GYPB: variants seen among roughly 807,000 people sequenced by gnomAD.
GYPB encodes glycophorin B (MNS blood group), also known as glycophorin-B.
In GYPB, 13 loss-of-function variants were observed where a neutral mutation model predicts 15.3. The ratio of observed to expected loss-of-function variants is 0.85; its 90% CI spans 0.55 to 1.35. The LOEUF (loss-of-function observed/expected upper bound fraction) is 1.35. Among genes scored for constraint, GYPB ranks in the 40% most tolerant of loss-of-function variants. GYPB has a pLI of 0.00. For missense variants in GYPB, 131 were observed against 108.3 expected (o/e 1.21, Z -0.93); for synonymous variants, 38 against 36.9 (o/e 1.03, Z -0.11).
At chr4:144,007,935 G>T (rs1728007289) in intron 1 of GYPB, among the ~76,000 whole-genome samples, 2 of 151,378 alleles carry the variant, frequency 1.3e-5, no homozygotes. Flanking sequence ...ACCATGCCTG[G>T]CTTAGAATGG....
Position 143,996,408 on chromosome 4 carries a change from G to A in GYPB, c.271-104C>T, listed in dbSNP as rs1727313889. On this transcript the variant is annotated intron_variant, in intron 4 of 4. Coordinates refer to ENST00000502664, the MANE Select transcript of GYPB (RefSeq NM_002100.6). ...GTCACAGGCCAATCCTTCACAGGCT[G>A]TAGCCAATTGGAGGCTTCTAAAGGG... 5.8e-6 allele frequency: 9 copies of A among 1,541,234 alleles called. 1 individual carries two copies. The Admixed American group carries it at 1.6e-4, about 27-fold the overall frequency.
chr4:144,009,241 C>A (rs909296972), intron 1 of GYPB, among the ~76,000 whole-genome samples: 6 of 151,334 alleles, frequency 4.0e-5, no homozygotes, highest in Non-Finnish European at 8.8e-5. Context: ...AACCTGTTCC[C>A]ATCTCCACCT....
chr4:143,997,491 G>T, intron 4 of GYPB, 49 bp downstream of exon 4: 1 of 988,530 alleles, frequency 1.0e-6, no homozygotes, highest in Non-Finnish European at 1.6e-6. Context: ...AACCCTCCTA[G>T]AGCTGTTCAC....
intron 1 of GYPB, among the ~76,000 whole-genome samples, chr4:144,001,552 C>T (rs1466885801): frequency 1.3e-5 from 2 of 151,146 alleles, no homozygotes; most frequent in Admixed American, 6.6e-5. Flanking sequence ...CTCATCTGTA[C>T]AATAGTAATA....
At chr4:143,997,336 A>C in intron 4 of GYPB, 2 of 462,706 alleles carry the variant, frequency 4.3e-6, no homozygotes, top group South Asian at 4.9e-5. Context: ...GGACAGACTT[A>C]TATTTAGAGG....
chr4:143,996,399 T>A, intron 4 of GYPB, 95 bp from the exon 5 acceptor site: 19 of 1,544,242 alleles, frequency 1.2e-5, no homozygotes, highest in Non-Finnish European at 1.5e-5. Context: ...GGCCAATCCT[T>A]CACAGGCTGT....
In GYPB at chr4:143,997,661, G is replaced by A. The variant is rs1454993920; in HGVS notation, c.176-27C>T. On this transcript the variant is annotated intron_variant, in intron 3 of 4. Transcript: ENST00000502664. ...TAAAGAGAGCAGCAAAATTATGAAA[G>A]TCTGAAATAAATGACCACATAGCAA... 2.6e-6 allele frequency: 3 copies of A among 1,172,258 alleles called. No homozygotes were observed. In the African/African-American group the frequency reaches 4.6e-5, roughly 18 times the overall value. The allele number at this position is 1,172,258 out of a possible 1,614,324, so 72.6% of individuals were successfully genotyped here. A position where few individuals can be genotyped will look rare whatever the true frequency, so the allele number is the denominator to read the frequency against.
chr4:144,009,364 T>C lies in GYPB; in HGVS notation c.38-8081A>G, dbSNP rs894167239. Among the ~76,000 whole-genome samples the C allele has an allele frequency of 4.6e-5, 7 of 151,178 alleles. No homozygotes were observed. The South Asian group carries it at 1.5e-3, about 31-fold the overall frequency. ...AGCACAAGTATTAGTAAACTTCCTATGTAAAGGGAGAGAGAGTAACTACTT... is the reference window on the plus strand; with the variant it reads ...AGCACAAGTATTAGTAAACTTCCTACGTAAAGGGAGAGAGAGTAACTACTT... On this transcript the variant is annotated intron_variant, in intron 1 of 4. Transcript: ENST00000502664.
intron 1 of GYPB, among the ~76,000 whole-genome samples, chr4:144,015,434 T>A (rs1436719550): frequency 1.3e-5 from 2 of 151,344 alleles, no homozygotes; most frequent in Admixed American, 6.6e-5. Flanking sequence ...ACCATATAAG[T>A]ATGATTGGGG....
At chr4:143,995,733 T>G (rs1312577706), downstream of GYPB, among the ~76,000 whole-genome samples, 2 of 151,370 alleles carry the variant, frequency 1.3e-5, no homozygotes, top group Non-Finnish European at 2.9e-5. Context: ...TTAAGATCAA[T>G]GGATACTAAA....
Position 143,999,153 on chromosome 4 carries a change from C to T in GYPB, c.175+258G>A, listed in dbSNP as rs1579046975. ...AAATTCCTGGGCTCAAGTGATTAGCCAGGCTTGGCCTCCCAAAATTATAGG... is the reference window on the plus strand; with the variant it reads ...AAATTCCTGGGCTCAAGTGATTAGCTAGGCTTGGCCTCCCAAAATTATAGG... On this transcript the variant is annotated intron_variant, in intron 3 of 4. Coordinates refer to ENST00000502664, the MANE Select transcript of GYPB (RefSeq NM_002100.6). 3.3e-5 allele frequency: 11 copies of T among 328,988 alleles called. No homozygotes were observed. In the East Asian group the frequency reaches 8.6e-4, roughly 26 times the overall value. 20.4% of individuals were successfully genotyped at this position (328,988 alleles called of 1,614,324 possible). A position where few individuals can be genotyped will look rare whatever the true frequency, so the allele number is the denominator to read the frequency against.
chr4:144,016,899 A>G, intron 1 of GYPB: 1 of 349,168 alleles, frequency 2.9e-6, no homozygotes, highest in South Asian at 2.3e-5. Context: ...TTCCACGTTT[A>G]GCATAAATGT....
chr4:144,012,868 G>C (rs1212844782), intron 1 of GYPB: 8 of 151,366 alleles, frequency 5.3e-5, no homozygotes, highest in Non-Finnish European at 5.9e-5. Flanking sequence ...AGAAAACATA[G>C]GGAGAAATTT....
chr4:144,014,013 C>T (rs1579069811), intron 1 of GYPB, among the ~76,000 whole-genome samples: 2 of 151,510 alleles, frequency 1.3e-5, no homozygotes, highest in South Asian at 4.1e-4. Flanking sequence ...TTCTCAGCAT[C>T]ATTAGTTATT....
In GYPB at chr4:143,996,173, G is replaced by C. The variant is rs748913364; in HGVS notation, c.*126C>G. ...CAGTAATAGTGAGGCAGGAGAACAG[G>C]GAATTAGGATAGCCAGGGGTAGGGG... On this transcript the variant is annotated 3_prime_UTR_variant, in exon 5 of 5. Coordinates refer to ENST00000502664, the MANE Select transcript of GYPB (RefSeq NM_002100.6). The C allele has an allele frequency of 9.8e-6, 15 of 1,532,010 alleles. No homozygotes were observed. Among genetic ancestry groups the C allele is most frequent in the Non-Finnish European group, 1.3e-5 (15 of 1,135,410 alleles). 94.9% of individuals were successfully genotyped at this position (1,532,010 alleles called of 1,614,324 possible). A position where few individuals can be genotyped will look rare whatever the true frequency, so the allele number is the denominator to read the frequency against.
chr4:143,999,814 A>G (rs1727528141), intron 2 of GYPB, among the ~76,000 whole-genome samples: 1 of 151,464 alleles, frequency 6.6e-6, no homozygotes, highest in Admixed American at 6.6e-5. Context: ...ATATGGAGCC[A>G]TTACTCCACA....
chr4:144,005,114 T>A lies in GYPB; in HGVS notation c.38-3831A>T, dbSNP rs1727835936. 2.0e-5 allele frequency among the ~76,000 whole-genome samples: 3 copies of A among 151,964 alleles called. No individual in the cohort carries two copies. In the South Asian group the frequency reaches 6.2e-4, roughly 31 times the overall value. ...CCTAGATTAAAGGTCAGTTTAAGTA[T>A]TGCCCTGTTGAATTCAGAAGGTACA... On this transcript the variant is annotated intron_variant, in intron 1 of 4. Transcript: ENST00000502664.
chr4:144,003,235 AG>A (rs1296303204), intron 1 of GYPB, among the ~76,000 whole-genome samples: 1 of 151,482 alleles, frequency 6.6e-6, no homozygotes, highest in Non-Finnish European at 1.5e-5. Context: ...AGATAGATGA[AG>A]GGTTTGAAGC....
chr4:144,012,443 C>T (rs1441535258), intron 1 of GYPB: 6 of 151,346 alleles, frequency 4.0e-5, no homozygotes, highest in South Asian at 2.1e-4. Context: ...AGTTAAAATG[C>T]GCATAATTTT....
Sources: allele counts gnomAD v4.1 joint callset (sites outside exome capture counted in the v4.1 genomes callset), GRCh38; gene constraint gnomAD v4.1.1; transcripts MANE v1.5; gene names NCBI Gene and HGNC (gene_info 2026-07-23, HGNC 2026-07-21).